Variants in GSN observed in about 807,000 individuals in gnomAD.
GSN encodes the protein gelsolin.
GSN carries 56 observed loss-of-function variants against 85.7 expected under a neutral mutation model. The observed-to-expected ratio is 0.65, with a 90% confidence interval of 0.53 to 0.82. The LOEUF (loss-of-function observed/expected upper bound fraction) is 0.82, where lower values mean the gene tolerates loss of function less well. Ranked by LOEUF, GSN falls within the 40% of genes least tolerant of loss-of-function variation. GSN has a pLI of 0.00. For missense variants in GSN, 857 were observed against 979.8 expected (o/e 0.87, Z 1.67); for synonymous variants, 373 against 399.1 (o/e 0.93, Z 0.78).
chr9:121,273,170 G>T (rs1451530071), intron 1 of GSN, among the ~76,000 whole-genome samples: 1 of 152,194 alleles, frequency 6.6e-6, no homozygotes, highest in Admixed American at 6.5e-5. Context: ...CCAGTGAAGG[G>T]GTCGCACCAG....
chr9:121,301,836 TG>T, intron 2 of GSN, 126 bp from the exon 3 acceptor site: 1 of 1,487,930 alleles, frequency 6.7e-7, no homozygotes, highest in Non-Finnish European at 9.2e-7. Context: ...TAGACTTCCC[TG>T]GGGCGTGGGG....
At chr9:121,317,272 G>A (rs746625582) in intron 8 of GSN, 54 bp downstream of exon 8, 24 of 1,586,846 alleles carry the variant, frequency 1.5e-5, no homozygotes, top group Non-Finnish European at 1.8e-5. Flanking sequence ...TGGATGGGAT[G>A]TTCTGCAGCT....
chr9:121,229,024 A>G (rs149772826), intron 4 of GSN, among the ~76,000 whole-genome samples: 43 of 152,330 alleles, frequency 2.8e-4, no homozygotes, highest in Non-Finnish European at 5.7e-4. Context: ...ATCAATAAAC[A>G]TAAGACACAA....
intron 5 of GSN, 103 bp downstream of exon 5, chr9:121,310,948 A>G: frequency 9.9e-7 from 1 of 1,012,200 alleles, no homozygotes; most frequent in Non-Finnish European, 1.5e-6. Flanking sequence ...GCAGGTGGGC[A>G]AACCACAGGG....
chr9:121,280,870 T>C (rs2057282593), intron 1 of GSN: 1 of 152,234 alleles, frequency 6.6e-6, no homozygotes, highest in Admixed American at 6.5e-5. Flanking sequence ...AGCCATGCAA[T>C]AGGGCTGCCT....
rs1158390979 is a variant in GSN at position 121,321,309 on chromosome 9, T to C, written c.1233T>C (p.Pro411=). 1.9e-6 allele frequency: 3 copies of C among 1,613,986 alleles called. No homozygotes were observed. Among genetic ancestry groups the C allele is most frequent in the East Asian group, 2.2e-5 (1 of 44,894 alleles). ...GTTCCAACAAGGTGCCCGTGGACCC[T>C]GCCACATATGGACAGTTCTATGGAG... ...IEGSNKVPVD[P]ATYGQFYGGD... Residue 411 remains proline (P), a synonymous_variant, in exon 11 of 18, where the codon CCT becomes CCC. Transcript: ENST00000432226.
At chr9:121,270,971 C>A (rs2055854939) in intron 1 of GSN, among the ~76,000 whole-genome samples, 1 of 152,138 alleles carries the variant, frequency 6.6e-6, no homozygotes, top group Admixed American at 6.5e-5. Context: ...GAAATGGACC[C>A]CCAGTCTTGG....
upstream of GSN, among the ~76,000 whole-genome samples, chr9:121,264,203 C>G (rs917555640): frequency 6.6e-5 from 10 of 152,278 alleles, no homozygotes; most frequent in African/African-American, 2.4e-4. Context: ...CCTATAATCC[C>G]AGCACTTTCA....
Position 121,272,866 on chromosome 9 carries a change from T to A in GSN, c.-103+4647T>A, listed in dbSNP as rs141128157. On this transcript the variant is annotated intron_variant, in intron 1 of 17. Coordinates refer to ENST00000432226, the MANE Select transcript of GSN (RefSeq NM_198252.3). ...GAGTCTCACAATAGTCCTGGGGTTG[T>A]CATTATGTGACCCATTTTACCAGTG... 3.3e-4 allele frequency among the ~76,000 whole-genome samples: 50 copies of A among 152,276 alleles called. No homozygotes were observed. In the East Asian group the frequency reaches 8.9e-3, roughly 27 times the overall value.
chr9:121,250,874 T>A (rs768910892), intron 6 of GSN, among the ~76,000 whole-genome samples: 9 of 24,302 alleles, frequency 3.7e-4, no homozygotes, highest in Non-Finnish European at 6.7e-4. Flanking sequence ...CTGCTTGGGG[T>A]GTGTGTGTGT....
chr9:121,259,807 GA>G (rs2055043445), intron 6 of GSN, among the ~76,000 whole-genome samples: 2 of 152,202 alleles, frequency 1.3e-5, no homozygotes, highest in Non-Finnish European at 2.9e-5. Context: ...TTTATGCCAT[GA>G]TCAAGTAGTA....
At chr9:121,306,291 T>C (rs1033012123) in intron 4 of GSN, among the ~76,000 whole-genome samples, 2 of 152,252 alleles carry the variant, frequency 1.3e-5, no homozygotes, top group African/African-American at 2.4e-5. Flanking sequence ...TAAGGAGCTC[T>C]GAGTTTAGAG....
chr9:121,270,920 C>T (rs1327432588), intron 1 of GSN, among the ~76,000 whole-genome samples: 2 of 152,108 alleles, frequency 1.3e-5, no homozygotes, highest in Non-Finnish European at 2.9e-5. Flanking sequence ...ATTTGCTTAT[C>T]AGAGACCACA....
upstream of GSN, among the ~76,000 whole-genome samples, chr9:121,206,800 G>C (rs1044919984): frequency 3.3e-5 from 5 of 151,830 alleles, no homozygotes; most frequent in African/African-American, 1.2e-4. Flanking sequence ...TGTCACCCAG[G>C]CTGGAGTGCA....
At chr9:121,315,971 A>G (rs2061665613) in intron 7 of GSN, among the ~76,000 whole-genome samples, 2 of 152,194 alleles carry the variant, frequency 1.3e-5, no homozygotes, top group Admixed American at 1.3e-4. Context: ...TATACAAGTT[A>G]TAGAAATTGC....
At chr9:121,269,214 C>G (rs1482910956) in intron 1 of GSN, among the ~76,000 whole-genome samples, 1 of 152,146 alleles carries the variant, frequency 6.6e-6, no homozygotes, top group Non-Finnish European at 1.5e-5. Flanking sequence ...ACACTTAATC[C>G]TGTGTGTCCT....
intron 4 of GSN, among the ~76,000 whole-genome samples, chr9:121,225,007 C>A (rs749256003): frequency 1.3e-5 from 2 of 151,964 alleles, no homozygotes; most frequent in Admixed American, 1.3e-4. Context: ...TTTGTTGAGA[C>A]GGGATCTCCC....
chr9:121,291,752 T>G (rs912539023), intron 2 of GSN, among the ~76,000 whole-genome samples: 17 of 152,080 alleles, frequency 1.1e-4, no homozygotes, highest in African/African-American at 4.1e-4. Context: ...TGATTTGTAC[T>G]TGTATCAAGT....
intron 2 of GSN, among the ~76,000 whole-genome samples, chr9:121,287,066 T>C (rs906634376): frequency 4.6e-5 from 7 of 152,194 alleles, no homozygotes; most frequent in African/African-American, 1.7e-4. Context: ...AGACTCCAAG[T>C]CTTGGAGCCT....
Sources: allele counts gnomAD v4.1 joint callset (sites outside exome capture counted in the v4.1 genomes callset), GRCh38; gene constraint gnomAD v4.1.1; transcripts MANE v1.5; gene names NCBI Gene and HGNC (gene_info 2026-07-23, HGNC 2026-07-21).